The following TRPM3 variants were observed in gnomAD, a reference collection of about 807,000 sequenced individuals.
The protein encoded by TRPM3 is transient receptor potential cation channel subfamily M member 3.
Under a neutral mutation model 181.2 loss-of-function variants are expected in TRPM3, and 77 were observed. The ratio of observed to expected loss-of-function variants is 0.42; its 90% CI spans 0.35 to 0.51. The LOEUF is 0.51. Among genes scored for constraint, TRPM3 ranks in the 20% least tolerant of loss-of-function variants. The pLI, the probability that TRPM3 is intolerant of heterozygous loss-of-function variation, is 0.01. For synonymous variants in TRPM3, 745 were observed against 796.4 expected, an observed-to-expected ratio of 0.94 and a Z score of 1.09; for missense variants, 1,759 against 2,196.7, an observed-to-expected ratio of 0.80 and a Z score of 3.98.
At chr9:71,179,877 T>C (rs2077298529) in intron 1 of TRPM3, among the ~76,000 whole-genome samples, 1 of 152,104 alleles carries the variant, frequency 6.6e-6, no homozygotes, top group Non-Finnish European at 1.5e-5. Flanking sequence ...TAAATGTTAG[T>C]GGTTCACATG....
intron 1 of TRPM3, among the ~76,000 whole-genome samples, chr9:71,201,586 T>C (rs928378362): frequency 6.6e-6 from 1 of 152,202 alleles, no homozygotes; most frequent in Non-Finnish European, 1.5e-5. Context: ...TTTATTCTTT[T>C]TTCTCTAAAC....
At chr9:70,750,363 G>C (rs1282143395) in intron 8 of TRPM3, among the ~76,000 whole-genome samples, 1 of 152,162 alleles carries the variant, frequency 6.6e-6, no homozygotes, top group Admixed American at 6.5e-5. Context: ...ACTGTGGAGG[G>C]CCTCAAAGCC....
At chr9:71,144,170 T>C (rs2075284095) in intron 1 of TRPM3, among the ~76,000 whole-genome samples, 1 of 152,144 alleles carries the variant, frequency 6.6e-6, no homozygotes, top group Non-Finnish European at 1.5e-5. Flanking sequence ...AAAAAATAAG[T>C]GAGAGTTCCA....
rs1565414307 is a variant in TRPM3 at position 71,279,055 on chromosome 9, ATAAAAAT to A, written c.183+167591_183+167597del. ...TAGGTTAAAAAAAATAAAAATAAAA[ATAAAAAT>A]AAAAAAACCACCAACGACCATTTAT... On this transcript the variant is annotated intron_variant, in intron 1 of 24. Transcript: ENST00000357533. Among the ~76,000 whole-genome samples, 252 of 135,256 alleles carry A rather than the reference ATAAAAAT, an allele frequency of 1.9e-3. 31 individuals carry two copies. The highest frequency in any genetic ancestry group is 6.3e-3 in the African/African-American group (199 of 31,698). The allele number at this position is 135,256 out of a possible 152,430, so 88.7% of individuals were successfully genotyped here. A position where few individuals can be genotyped will look rare whatever the true frequency, so the allele number is the denominator to read the frequency against.
At chr9:70,623,660 G>C (rs1009986100) in intron 14 of TRPM3, among the ~76,000 whole-genome samples, 1 of 152,020 alleles carries the variant, frequency 6.6e-6, no homozygotes, top group Non-Finnish European at 1.5e-5. Context: ...GAAAGCAAAT[G>C]CAACCGTTTT....
intron 1 of TRPM3, among the ~76,000 whole-genome samples, chr9:71,434,836 T>C (rs2094009133): frequency 6.6e-6 from 1 of 152,166 alleles, no homozygotes; most frequent in African/African-American, 2.4e-5. Context: ...TATCTATTAC[T>C]ATAATCTTTA....
At chr9:70,652,150 C>A (rs77723674) in intron 9 of TRPM3, among the ~76,000 whole-genome samples, 1 of 151,954 alleles carries the variant, frequency 6.6e-6, no homozygotes, top group Non-Finnish European at 1.5e-5. Flanking sequence ...GGCTTCGAAC[C>A]TAGATAATTG....
chr9:71,051,656 C>G (rs2060076378), intron 1 of TRPM3, among the ~76,000 whole-genome samples: 1 of 152,044 alleles, frequency 6.6e-6, no homozygotes, highest in African/African-American at 2.4e-5. Flanking sequence ...AATATTCAGG[C>G]CAAAATATTA....
intron 1 of TRPM3, among the ~76,000 whole-genome samples, chr9:71,424,120 A>T (rs1259035729): frequency 6.6e-6 from 1 of 152,152 alleles, no homozygotes; most frequent in Non-Finnish European, 1.5e-5. Flanking sequence ...GACTACCTTC[A>T]CCATTACAAT....
rs532131990 is a variant in TRPM3 at position 70,926,768 on chromosome 9, T to C, written c.178-62257A>G. Among the ~76,000 whole-genome samples the C allele has an allele frequency of 4.6e-5, 7 of 152,326 alleles. No homozygotes were observed. In the South Asian group the frequency reaches 8.3e-4, roughly 18 times the overall value. On this transcript the variant is annotated intron_variant, in intron 1 of 25. Transcript: ENST00000677713. ...TTGGCTGTTTTGCTCCTTGAACATA[T>C]TGTAACAGTCTCAGAGCTACATGTG...
chr9:70,803,451 G>GTT lies in TRPM3; in HGVS notation c.974-19174_974-19173dup, dbSNP rs36024262. 2.8e-3 allele frequency among the ~76,000 whole-genome samples: 356 copies of GTT among 125,282 alleles called. 2 individuals are homozygous for GTT. The highest frequency in any genetic ancestry group is 4.0e-3 in the Middle Eastern group (1 of 250). The allele number at this position is 125,282 out of a possible 152,430, so 82.2% of individuals were successfully genotyped here. A position where few individuals can be genotyped will look rare whatever the true frequency, so the allele number is the denominator to read the frequency against. Reference sequence around the variant, plus strand: ...GCCCCCCACCGCCACCGTTTTTGTTGTTTTTTTTTTTTTTTTTTGAGACGG... The same window carrying GTT: ...GCCCCCCACCGCCACCGTTTTTGTTGTTTTTTTTTTTTTTTTTTTTGAGACGG... On this transcript the variant is annotated intron_variant, in intron 6 of 25. Coordinates refer to ENST00000677713, the MANE Select transcript of TRPM3 (RefSeq NM_001366145.2).
At chr9:70,878,355 G>A (rs116994127) in intron 1 of TRPM3, among the ~76,000 whole-genome samples, 194 of 152,092 alleles carry the variant, frequency 1.3e-3, no homozygotes, top group Non-Finnish European at 1.3e-3. Context: ...TAGTCATTAC[G>A]TGGAGAATTT....
chr9:71,052,728 CA>C, intron 1 of TRPM3, among the ~76,000 whole-genome samples: 1 of 151,896 alleles, frequency 6.6e-6, no homozygotes, highest in Middle Eastern at 3.2e-3. Context: ...GATAACCATT[CA>C]AAAAACCCTA....
intron 1 of TRPM3, among the ~76,000 whole-genome samples, chr9:71,188,695 G>A (rs1466296095): frequency 2.6e-5 from 4 of 151,820 alleles, no homozygotes. Context: ...AGACACTCAA[G>A]TCTACCATGA....
At chr9:70,932,905 A>G (rs1211480157) in intron 1 of TRPM3, among the ~76,000 whole-genome samples, 5 of 152,182 alleles carry the variant, frequency 3.3e-5, no homozygotes, top group African/African-American at 4.8e-5. Flanking sequence ...GGCCATTTTT[A>G]TACTTTAGGC....
At chr9:71,248,087 T>C (rs1352349258) in intron 1 of TRPM3, among the ~76,000 whole-genome samples, 1 of 152,156 alleles carries the variant, frequency 6.6e-6, no homozygotes, top group Non-Finnish European at 1.5e-5. Context: ...ATAACTGAAC[T>C]TGTTCAAGCT....
chr9:70,954,204 C>T (rs2097038653), intron 1 of TRPM3, among the ~76,000 whole-genome samples: 1 of 152,132 alleles, frequency 6.6e-6, no homozygotes, highest in Non-Finnish European at 1.5e-5. Context: ...CTATGACCAC[C>T]TCTCTCCCTC....
intron 7 of TRPM3, among the ~76,000 whole-genome samples, chr9:70,768,254 C>T (rs2079524861): frequency 1.3e-5 from 2 of 152,184 alleles, no homozygotes; most frequent in Admixed American, 1.3e-4. Context: ...CTGATTTGTG[C>T]ATAGAACCTA....
chr9:70,571,035 C>T (rs1029818397), intron 22 of TRPM3, among the ~76,000 whole-genome samples: 2 of 152,118 alleles, frequency 1.3e-5, no homozygotes, highest in African/African-American at 2.4e-5. Context: ...GAAAATGTCT[C>T]CCTGATGTAT....
Sources: gnomAD v4.1 joint callset for allele counts (sites outside exome capture counted in the v4.1 genomes callset) on GRCh38, gnomAD v4.1.1 for gene constraint, MANE v1.5 for transcripts, NCBI Gene and HGNC (gene_info 2026-07-23, HGNC 2026-07-21) for gene names.